The following IGSF11 variants were observed in gnomAD, a reference collection of about 807,000 sequenced individuals.
The protein encoded by IGSF11 is immunoglobulin superfamily member 11.
In IGSF11, 22 loss-of-function variants were observed where a neutral mutation model predicts 41.0. That is an observed-to-expected ratio of 0.54 (90% CI 0.38 to 0.77). The LOEUF is 0.77. Among genes scored for constraint, IGSF11 ranks in the 30% least tolerant of loss-of-function variants. IGSF11 has a pLI of 0.00. For missense variants in IGSF11, 444 were observed against 530.8 expected (o/e 0.84, Z 1.61); for synonymous variants, 219 against 201.3 (o/e 1.09, Z -0.74).
At chr3:119,011,107 C>T (rs1431667073) in intron 1 of IGSF11, among the ~76,000 whole-genome samples, 1 of 152,108 alleles carries the variant, frequency 6.6e-6, no homozygotes, top group African/African-American at 2.4e-5. Flanking sequence ...AAAACAATTA[C>T]CTGAGGGCTC....
intron 1 of IGSF11, among the ~76,000 whole-genome samples, chr3:119,143,459 T>G (rs2077676297): frequency 6.6e-6 from 1 of 151,588 alleles, no homozygotes; most frequent in Non-Finnish European, 1.5e-5. Flanking sequence ...ACTAAGACAA[T>G]AACTAAAAAT....
At chr3:119,062,218 C>T (rs748894160) in intron 1 of IGSF11, among the ~76,000 whole-genome samples, 25 of 152,214 alleles carry the variant, frequency 1.6e-4, no homozygotes, top group Non-Finnish European at 3.2e-4. Context: ...GAGGAAAGAT[C>T]CATTGACTTG....
At chr3:119,128,788 A>G (rs2077438753) in intron 1 of IGSF11, among the ~76,000 whole-genome samples, 1 of 152,210 alleles carries the variant, frequency 6.6e-6, no homozygotes, top group Non-Finnish European at 1.5e-5. Context: ...CAGAAATACC[A>G]TTTGACCCAG....
intron 1 of IGSF11, among the ~76,000 whole-genome samples, chr3:119,096,171 C>T (rs2076847032): frequency 6.6e-6 from 1 of 151,980 alleles, no homozygotes; most frequent in South Asian, 2.1e-4. Context: ...GTTACAGTGA[C>T]TTGGCTTTCA....
At chr3:119,057,452 A>T (rs912483372) in intron 1 of IGSF11, among the ~76,000 whole-genome samples, 2 of 151,910 alleles carry the variant, frequency 1.3e-5, no homozygotes, top group Non-Finnish European at 2.9e-5. Context: ...ACTACAAACC[A>T]CTGCTCAATG....
At chr3:118,904,308 T>A (rs1038210698) in intron 6 of IGSF11, among the ~76,000 whole-genome samples, 1 of 152,192 alleles carries the variant, frequency 6.6e-6, no homozygotes, top group African/African-American at 2.4e-5. Context: ...TATGTTCACA[T>A]CTATTATAAA....
At chr3:119,049,202 C>A (rs1325902181) in intron 1 of IGSF11, among the ~76,000 whole-genome samples, 1 of 151,436 alleles carries the variant, frequency 6.6e-6, no homozygotes, top group Non-Finnish European at 1.5e-5. Context: ...AAGAGGAAGT[C>A]AAATTGTCCC....
intron 1 of IGSF11, among the ~76,000 whole-genome samples, chr3:119,001,367 G>C (rs974182001): frequency 2.6e-5 from 4 of 151,338 alleles, no homozygotes; most frequent in South Asian, 2.1e-4. Context: ...TTGGCTTCTA[G>C]TGTACTTCCT....
At chr3:119,080,467 G>A (rs1190344586) in intron 1 of IGSF11, among the ~76,000 whole-genome samples, 1 of 152,122 alleles carries the variant, frequency 6.6e-6, no homozygotes, top group African/African-American at 2.4e-5. Context: ...TACAATTTCA[G>A]CCGACAGATT....
intron 4 of IGSF11, among the ~76,000 whole-genome samples, chr3:118,911,648 GAA>G (rs1029377472): frequency 3.3e-5 from 5 of 150,802 alleles, no homozygotes; most frequent in South Asian, 2.1e-4. Context: ...AAAAATGAGA[GAA>G]GAGAGAGAGA....
At chr3:118,935,337 T>C (rs952161183) in intron 1 of IGSF11, among the ~76,000 whole-genome samples, 3 of 140,294 alleles carry the variant, frequency 2.1e-5, no homozygotes, top group Non-Finnish European at 4.6e-5. Context: ...CACCCTGAGA[T>C]ATATATATAT....
chr3:119,108,735 T>A (rs1428772080), upstream of IGSF11, among the ~76,000 whole-genome samples: 5 of 141,724 alleles, frequency 3.5e-5, no homozygotes, highest in Non-Finnish European at 7.8e-5. Flanking sequence ...TTGTCATAGA[T>A]AGCTCTTATT....
intron 1 of IGSF11, among the ~76,000 whole-genome samples, chr3:119,102,403 C>A (rs913203627): frequency 2.6e-5 from 4 of 152,140 alleles, no homozygotes; most frequent in Admixed American, 6.5e-5. Context: ...CTGAGCCAGT[C>A]TGAATTTTTT....
At chr3:119,123,728 G>A (rs2077363700) in intron 1 of IGSF11, among the ~76,000 whole-genome samples, 1 of 152,180 alleles carries the variant, frequency 6.6e-6, no homozygotes, top group Admixed American at 6.5e-5. Context: ...TGGTAATCCA[G>A]AGAATCCATC....
At chr3:118,993,123 T>C (rs1935945846) in intron 1 of IGSF11, among the ~76,000 whole-genome samples, 1 of 152,080 alleles carries the variant, frequency 6.6e-6, no homozygotes, top group South Asian at 2.1e-4. Context: ...CTACTCACAG[T>C]AGGCTGATGT....
At chr3:119,004,658 T>C (rs947843328) in intron 1 of IGSF11, among the ~76,000 whole-genome samples, 2 of 148,726 alleles carry the variant, frequency 1.3e-5, no homozygotes, top group Admixed American at 6.7e-5. Context: ...TTCTGGTATG[T>C]TGTGTCTTTG....
chr3:119,098,909 CAT>C (rs1162004335), intron 1 of IGSF11, among the ~76,000 whole-genome samples: 2 of 151,888 alleles, frequency 1.3e-5, no homozygotes, highest in East Asian at 1.9e-4. Flanking sequence ...CTCTGTCTCA[CAT>C]GTTTTCAGAA....
At chr3:119,141,412 A>G (rs1053820868) in intron 1 of IGSF11, among the ~76,000 whole-genome samples, 11 of 151,488 alleles carry the variant, frequency 7.3e-5, no homozygotes, top group Admixed American at 2.0e-4. Context: ...TGAAATAATA[A>G]AGATTAGAGA....
At chr3:118,946,204 GCACACACA>G (rs148772016) in intron 1 of IGSF11, among the ~76,000 whole-genome samples, 7,107 of 140,686 alleles carry the variant, frequency 0.051, 303 homozygotes, top group Admixed American at 0.16. Context: ...ACACACACAC[GCACACACA>G]CACACACACA....
Sources: gnomAD v4.1 joint callset for allele counts (sites outside exome capture counted in the v4.1 genomes callset) on GRCh38, gnomAD v4.1.1 for gene constraint, MANE v1.5 for transcripts, NCBI Gene and HGNC (gene_info 2026-07-23, HGNC 2026-07-21) for gene names.